AGPS: variants seen among roughly 807,000 people sequenced by gnomAD.
The protein encoded by AGPS is alkyldihydroxyacetonephosphate synthase, peroxisomal.
In AGPS, 26 loss-of-function variants were observed where a neutral mutation model predicts 90.7. The ratio of observed to expected loss-of-function variants is 0.29; its 90% confidence interval spans 0.21 to 0.40. The LOEUF is 0.40. Among genes scored for constraint, AGPS ranks in the 10% least tolerant of loss-of-function variants. AGPS has a pLI of 1.00. For synonymous variants in AGPS, 294 were observed against 285.3 expected (o/e 1.03, Z -0.31); for missense variants, 540 against 816.1 (o/e 0.66, Z 4.12).
At chr2:177,404,961 T>A (rs1017553546) in intron 1 of AGPS, among the ~76,000 whole-genome samples, 1 of 152,198 alleles carries the variant, frequency 6.6e-6, no homozygotes, top group Non-Finnish European at 1.5e-5. Context: ...TAAGTATTAA[T>A]CTGAGCTAGG....
At chr2:177,528,270 A>G (rs1182152770) in intron 19 of AGPS, among the ~76,000 whole-genome samples, 3 of 152,206 alleles carry the variant, frequency 2.0e-5, no homozygotes, top group African/African-American at 7.2e-5. Context: ...CTGCTACTGT[A>G]TTCTCATTTC....
At chr2:177,400,776 A>G (rs1478490637) in intron 1 of AGPS, among the ~76,000 whole-genome samples, 1 of 152,182 alleles carries the variant, frequency 6.6e-6, no homozygotes, top group Admixed American at 6.5e-5. Flanking sequence ...CTCATCCTAT[A>G]AGCAGGGGAA....
chr2:177,463,890 A>C (rs1687370551), intron 9 of AGPS, among the ~76,000 whole-genome samples: 1 of 152,206 alleles, frequency 6.6e-6, no homozygotes, highest in Non-Finnish European at 1.5e-5. Flanking sequence ...TGTACATCCT[A>C]GTGTAATTAT....
intron 7 of AGPS, 115 bp from the exon 8 acceptor site, chr2:177,445,431 A>G: frequency 1.2e-6 from 1 of 865,252 alleles, no homozygotes; most frequent in Admixed American, 2.0e-5. Context: ...GTTGAGGGGA[A>G]CCCTTCTTGC....
At chr2:177,414,967 A>G (rs931858729) in intron 1 of AGPS, among the ~76,000 whole-genome samples, 1 of 151,148 alleles carries the variant, frequency 6.6e-6, no homozygotes, top group Non-Finnish European at 1.5e-5. Context: ...TATAAATAAT[A>G]TATCTGGATA....
chr2:177,462,056 G>C, intron 9 of AGPS, 38 bp downstream of exon 9: 1 of 1,477,120 alleles, frequency 6.8e-7, no homozygotes, highest in South Asian at 1.2e-5. Flanking sequence ...TAATTGATTA[G>C]TATATAGATA....
intron 16 of AGPS, among the ~76,000 whole-genome samples, chr2:177,508,685 T>G (rs796894233): frequency 8.5e-5 from 13 of 152,304 alleles, no homozygotes; most frequent in African/African-American, 3.1e-4. Flanking sequence ...TTAATAGACC[T>G]GTGAGTTGTA....
chr2:177,465,998 G>A (rs758882715), intron 9 of AGPS, among the ~76,000 whole-genome samples: 1 of 152,228 alleles, frequency 6.6e-6, no homozygotes, highest in Non-Finnish European at 1.5e-5. Flanking sequence ...CAAGGTGAAG[G>A]AGTGCTTTAT....
chr2:177,499,992 CATT>C (rs944276984), intron 14 of AGPS, among the ~76,000 whole-genome samples: 2 of 151,670 alleles, frequency 1.3e-5, no homozygotes, highest in Non-Finnish European at 3.0e-5. Flanking sequence ...TATTATTAAA[CATT>C]GTATTTTTCC....
intron 7 of AGPS, among the ~76,000 whole-genome samples, chr2:177,444,616 ATT>A: frequency 7.9e-6 from 1 of 125,882 alleles, no homozygotes; most frequent in Non-Finnish European, 1.7e-5. Flanking sequence ...AGCAACTGCT[ATT>A]TTTGTATTGT....
chr2:177,405,811 T>A (rs1311675330), intron 1 of AGPS, among the ~76,000 whole-genome samples: 2 of 143,884 alleles, frequency 1.4e-5, no homozygotes, highest in African/African-American at 5.2e-5. Context: ...TTTCATCTAC[T>A]TGAACTGTAA....
intron 2 of AGPS, among the ~76,000 whole-genome samples, chr2:177,430,022 A>C (rs894427568): frequency 6.6e-6 from 1 of 152,128 alleles, no homozygotes; most frequent in African/African-American, 2.4e-5. Flanking sequence ...GTCCCCACCC[A>C]ATGAGGAGCA....
rs909077949 is a variant in AGPS, at chr2:177,542,740, C to G, written c.*4545C>G. On this transcript the variant is annotated 3_prime_UTR_variant, in exon 20 of 20. Transcript: ENST00000264167. The stretch of plus-strand genomic sequence containing the variant: ...TTTTCCTTTAATCTTGTTCACATAT[C>G]AGAAAAGGACATGAAATGCTCATAC... 21 of 152,076 alleles carry G rather than the reference C, an allele frequency of 1.4e-4. No individual in the cohort carries two copies. Among genetic ancestry groups the G allele is most frequent in the African/African-American group, 5.1e-4 (21 of 41,430 alleles). The allele number at this position is 152,076 out of a possible 1,614,324, so 9.4% of individuals were successfully genotyped here. A position where few individuals can be genotyped will look rare whatever the true frequency, so the allele number is the denominator to read the frequency against.
chr2:177,500,438 T>C (rs937030609), intron 14 of AGPS, among the ~76,000 whole-genome samples: 3 of 152,062 alleles, frequency 2.0e-5, no homozygotes, highest in African/African-American at 7.2e-5. Context: ...ATATACATTA[T>C]GCTTAATATT....
intron 18 of AGPS, 78 bp from the exon 19 acceptor site, chr2:177,523,670 T>C: frequency 8.3e-7 from 1 of 1,205,144 alleles, no homozygotes; most frequent in Non-Finnish European, 1.2e-6. Flanking sequence ...TGTGCCTTCT[T>C]TGGGAGTTGG....
At chr2:177,420,456 T>C (rs1685911874) in intron 2 of AGPS, 98 bp downstream of exon 2, 7 of 903,182 alleles carry the variant, frequency 7.8e-6, no homozygotes, top group Non-Finnish European at 1.3e-5. Context: ...CCTCCTTGAG[T>C]TTAAACATTA....
At chr2:177,433,343 A>G (rs1175483830) in intron 2 of AGPS, among the ~76,000 whole-genome samples, 1 of 152,226 alleles carries the variant, frequency 6.6e-6, no homozygotes, top group African/African-American at 2.4e-5. Context: ...TGAGATGCCA[A>G]TGGAATGTCT....
At position 177,468,535 on chromosome 2, in the gene AGPS, CTG is replaced by C; in HGVS notation, c.1105+13_1105+14del. On this transcript the variant is annotated intron_variant, in intron 10 of 19. Coordinates refer to ENST00000264167, the MANE Select transcript of AGPS (RefSeq NM_003659.4). ...TCATGGGATCTGAAGGTAAATATAACTGTAAATTTATTAAGAAAAAATACAGG... is the reference window on the plus strand; with the variant it reads ...TCATGGGATCTGAAGGTAAATATAACTAAATTTATTAAGAAAAAATACAGG... 1.9e-6 allele frequency: 3 copies of C among 1,571,736 alleles called. No individual in the cohort carries two copies. The highest frequency in any genetic ancestry group is 1.3e-5 in the African/African-American group (1 of 74,108).
chr2:177,487,069 C>T (rs144834475), intron 11 of AGPS, among the ~76,000 whole-genome samples: 54 of 151,906 alleles, frequency 3.6e-4, no homozygotes, highest in African/African-American at 1.1e-3. Flanking sequence ...TTAGATATAA[C>T]GTGTTATTAT....
Sources: gnomAD v4.1 joint callset for allele counts (sites outside exome capture counted in the v4.1 genomes callset) on GRCh38, gnomAD v4.1.1 for gene constraint, MANE v1.5 for transcripts, NCBI Gene and HGNC (gene_info 2026-07-23, HGNC 2026-07-21) for gene names.